HSD17B11: variants seen among roughly 807,000 people sequenced by gnomAD.
HSD17B11 encodes the protein hydroxysteroid 17-beta dehydrogenase 11.
In HSD17B11, 22 loss-of-function variants were observed where a neutral mutation model predicts 27.8. The ratio of observed to expected loss-of-function variants is 0.79; its 90% CI spans 0.56 to 1.13. The LOEUF (loss-of-function observed/expected upper bound fraction) is 1.13, where lower values mean the gene tolerates loss of function less well. Among genes scored for constraint, HSD17B11 ranks in the 50% most tolerant of loss-of-function variants. HSD17B11 has a pLI of 0.00. For missense variants in HSD17B11, 314 were observed against 351.1 expected, an observed-to-expected ratio of 0.89 and a Z score of 0.84; for synonymous variants, 117 against 132.8, an observed-to-expected ratio of 0.88 and a Z score of 0.82.
intron 4 of HSD17B11, among the ~76,000 whole-genome samples, chr4:87,370,746 A>ATTTT (rs1252040331): frequency 1.9e-4 from 1 of 5,366 alleles, no homozygotes; most frequent in Non-Finnish European, 2.7e-4. Flanking sequence ...TATTATTATT[A>ATTTT]TTATTATTAT....
chr4:87,380,484 A>AAAAAAG (rs1578046554), intron 2 of HSD17B11, among the ~76,000 whole-genome samples: 24 of 138,686 alleles, frequency 1.7e-4, no homozygotes, highest in Admixed American at 3.1e-4. Flanking sequence ...AAAAAAAAAA[A>AAAAAAG]AAAAGAAAAA....
chr4:87,355,719 C>T lies in HSD17B11; in HGVS notation c.695+1560G>A, dbSNP rs368235521. 1.2e-4 allele frequency among the ~76,000 whole-genome samples: 18 copies of T among 152,208 alleles called. No homozygotes were observed. The East Asian group carries it at 2.7e-3, about 23-fold the overall frequency. On this transcript the variant is annotated intron_variant, in intron 5 of 6. Transcript: ENST00000358290. ...TGGAGTTTGAGAACAGCCTGGCCAACGTGGCGAAACCCCATCTCTATTAAA... is the reference window on the plus strand; with the variant it reads ...TGGAGTTTGAGAACAGCCTGGCCAATGTGGCGAAACCCCATCTCTATTAAA...
chr4:87,367,054 T>G (rs1735623805), intron 4 of HSD17B11, among the ~76,000 whole-genome samples: 1 of 152,230 alleles, frequency 6.6e-6, no homozygotes, highest in Admixed American at 6.5e-5. Context: ...TGAAACATAT[T>G]TGTTTCTCTC....
At chr4:87,356,170 G>C (rs975097872) in intron 5 of HSD17B11, among the ~76,000 whole-genome samples, 4 of 152,192 alleles carry the variant, frequency 2.6e-5, no homozygotes, top group African/African-American at 9.6e-5. Flanking sequence ...GTGGGTAGGA[G>C]TGCAAATCAG....
At chr4:87,340,027 G>C (rs1045256101) in intron 6 of HSD17B11, among the ~76,000 whole-genome samples, 1 of 152,146 alleles carries the variant, frequency 6.6e-6, no homozygotes, top group African/African-American at 2.4e-5. Flanking sequence ...CACATTGGAA[G>C]AAGCAAGACT....
At chr4:87,337,470 A>G (rs1017526794) in intron 6 of HSD17B11, 104 bp from the exon 7 acceptor site, 1 of 672,350 alleles carries the variant, frequency 1.5e-6, no homozygotes, top group Admixed American at 2.8e-5. Context: ...AGTCATGTTC[A>G]TGTTAAATAA....
At chr4:87,363,775 T>G (rs561394857) in intron 4 of HSD17B11, among the ~76,000 whole-genome samples, 17 of 152,370 alleles carry the variant, frequency 1.1e-4, no homozygotes, top group African/African-American at 4.1e-4. Context: ...GCTAAGGTTT[T>G]GCACTTTCAC....
At chr4:87,353,395 T>G (rs1042827370) in intron 5 of HSD17B11, among the ~76,000 whole-genome samples, 1 of 152,242 alleles carries the variant, frequency 6.6e-6, no homozygotes, top group African/African-American at 2.4e-5. Flanking sequence ...GTGTCTGAAA[T>G]GTAAACAGGT....
chr4:87,375,863 TG>T (rs1331848280), intron 2 of HSD17B11, among the ~76,000 whole-genome samples: 1 of 152,218 alleles, frequency 6.6e-6, no homozygotes, highest in Non-Finnish European at 1.5e-5. Flanking sequence ...TCTGTTCTGT[TG>T]TTCAATCGCT....
At chr4:87,343,675 G>C (rs1032571616) in intron 5 of HSD17B11, among the ~76,000 whole-genome samples, 14 of 151,382 alleles carry the variant, frequency 9.2e-5, no homozygotes, top group Non-Finnish European at 1.6e-4. Context: ...AGCCTCCCAA[G>C]TAGCTGGGAT....
chr4:87,390,695 G>T (rs1040029446), intron 1 of HSD17B11, among the ~76,000 whole-genome samples, 166 bp downstream of exon 1: 3 of 152,134 alleles, frequency 2.0e-5, no homozygotes, highest in Admixed American at 6.5e-5. Context: ...TTTATCATGT[G>T]ATCATACAAC....
chr4:87,356,978 C>T (rs950339516), intron 5 of HSD17B11, among the ~76,000 whole-genome samples: 5 of 152,168 alleles, frequency 3.3e-5, no homozygotes, highest in African/African-American at 1.2e-4. Context: ...ACATAGTTCC[C>T]AAGCACACCT....
chr4:87,367,973 G>C (rs1260867216), intron 4 of HSD17B11, among the ~76,000 whole-genome samples: 1 of 152,158 alleles, frequency 6.6e-6, no homozygotes, highest in African/African-American at 2.4e-5. Flanking sequence ...CTTACTAAAT[G>C]TTTTCTTAAA....
At chr4:87,338,908 A>G (rs1197062434) in intron 6 of HSD17B11, among the ~76,000 whole-genome samples, 1 of 152,204 alleles carries the variant, frequency 6.6e-6, no homozygotes, top group African/African-American at 2.4e-5. Flanking sequence ...TCTCCATGTT[A>G]CAGATAAAGA....
chr4:87,376,514 A>AC (rs1480111035), intron 2 of HSD17B11, among the ~76,000 whole-genome samples: 1 of 148,676 alleles, frequency 6.7e-6, no homozygotes, highest in Non-Finnish European at 1.5e-5. Flanking sequence ...AAAAAAAAAA[A>AC]AAAAAAAACC....
rs57139706 is a variant in HSD17B11 at position 87,357,949 on chromosome 4, A to ATTTT, written c.558-537_558-534dup. Among the ~76,000 whole-genome samples the ATTTT allele has an allele frequency of 4.4e-3, 355 of 80,204 alleles. 36 individuals are homozygous for ATTTT. Among genetic ancestry groups the ATTTT allele is most frequent in the African/African-American group, 6.4e-3 (150 of 23,516 alleles). 52.6% of individuals were successfully genotyped at this position (80,204 alleles called of 152,430 possible). A position where few individuals can be genotyped will look rare whatever the true frequency, so the allele number is the denominator to read the frequency against. The stretch of plus-strand genomic sequence containing the variant: ...TTGTAACTGAACATTCATTAGAGAA[A>ATTTT]TTTTTTTTTTTTTTTTTTTTTTTTT... On this transcript the variant is annotated intron_variant, in intron 4 of 6. Transcript: ENST00000358290.
At chr4:87,390,377 C>T (rs1424242159) in intron 1 of HSD17B11, among the ~76,000 whole-genome samples, 1 of 152,126 alleles carries the variant, frequency 6.6e-6, no homozygotes, top group South Asian at 2.1e-4. Context: ...AGGATGGTCT[C>T]GATCTCCTGA....
chr4:87,369,729 C>G (rs150061729), intron 4 of HSD17B11, among the ~76,000 whole-genome samples: 1 of 152,156 alleles, frequency 6.6e-6, no homozygotes, highest in Non-Finnish European at 1.5e-5. Flanking sequence ...AGCCACCATG[C>G]CTGGCCCCAG....
intron 6 of HSD17B11, among the ~76,000 whole-genome samples, chr4:87,338,086 G>A (rs538397646): frequency 6.6e-6 from 1 of 152,264 alleles, no homozygotes; most frequent in East Asian, 1.9e-4. Context: ...GCATGGTGGC[G>A]GGTGCCTATA....
Sources: allele counts gnomAD v4.1 joint callset (sites outside exome capture counted in the v4.1 genomes callset), GRCh38; gene constraint gnomAD v4.1.1; transcripts MANE v1.5; gene names NCBI Gene and HGNC (gene_info 2026-07-23, HGNC 2026-07-21).